Variants in TFAP2A observed in about 807,000 individuals in gnomAD.
TFAP2A encodes transcription factor AP-2-alpha.
In TFAP2A, 7 loss-of-function variants were observed where a neutral mutation model predicts 41.5. That is an observed-to-expected ratio of 0.17 (90% CI 0.10 to 0.32). The LOEUF is 0.32. Among genes scored for constraint, TFAP2A ranks in the 10% least tolerant of loss-of-function variants. The probability of loss-of-function intolerance (pLI) is 1.00; values close to 1 mark genes in which losing one functional copy is unlikely to be tolerated. For missense variants in TFAP2A, 416 were observed against 563.3 expected, an observed-to-expected ratio of 0.74 and a Z score of 2.65; for synonymous variants, 247 against 242.8, an observed-to-expected ratio of 1.02 and a Z score of -0.16.
At chr6:10,416,105 G>A (rs936485535), upstream of TFAP2A, 1 of 152,356 alleles carries the variant, frequency 6.6e-6, no homozygotes, top group East Asian at 1.9e-4. Flanking sequence ...AAAAACAGAC[G>A]TGTGTGTGCC....
chr6:10,399,313 A>T (rs1761915164), intron 6 of TFAP2A, among the ~76,000 whole-genome samples: 1 of 152,278 alleles, frequency 6.6e-6, no homozygotes, highest in Non-Finnish European at 1.5e-5. Context: ...AAGCCCTGTT[A>T]CTTGGAGATA....
chr6:10,404,018 T>C (rs1757549465), intron 4 of TFAP2A, among the ~76,000 whole-genome samples: 1 of 152,118 alleles, frequency 6.6e-6, no homozygotes, highest in African/African-American at 2.4e-5. Flanking sequence ...TTAAAAGCCA[T>C]TCTATTAAAA....
In TFAP2A at chr6:10,398,758, A is replaced by G. The variant is rs1581256138; in HGVS notation, c.1032-53T>C. 20 of 1,594,050 alleles carry G rather than the reference A, an allele frequency of 1.3e-5. No individual in the cohort carries two copies. In the East Asian group the frequency reaches 4.5e-4, roughly 36 times the overall value. On this transcript the variant is annotated intron_variant, in intron 6 of 6. Coordinates refer to ENST00000379613, the MANE Select transcript of TFAP2A (RefSeq NM_001372066.1). This position sits in a 1 kb window ranked among gnomAD's most constrained non-coding sequence, Gnocchi z 5.3. ...GACATAAGGCTCCACTATGGGCAGC[A>G]CTAGCAGCAAAGAGAAAACCTCCCT...
At chr6:10,419,172 G>A (rs1211249891), upstream of TFAP2A, among the ~76,000 whole-genome samples, 1 of 152,164 alleles carries the variant, frequency 6.6e-6, no homozygotes, top group African/African-American at 2.4e-5. Flanking sequence ...TGGAGCGTGC[G>A]CCGGACTTCC....
Position 10,398,793 on chromosome 6 carries a change from T to G in TFAP2A, c.1032-88A>C. The G allele has an allele frequency of 1.4e-6, 2 of 1,474,224 alleles. No homozygotes were observed. Among genetic ancestry groups the G allele is most frequent in the Non-Finnish European group, 1.8e-6 (2 of 1,081,922 alleles). The allele number at this position is 1,474,224 out of a possible 1,614,324, so 91.3% of individuals were successfully genotyped here. On this transcript the variant is annotated intron_variant, in intron 6 of 6. Transcript: ENST00000379613. The surrounding 1 kb of genome is among the most constrained non-coding windows in gnomAD (Gnocchi z 5.3). The stretch of plus-strand genomic sequence containing the variant: ...AAGAGAAAACCTCCCTCCCTGCAGC[T>G]ACCTCTGCCGGGATCCAGCCGGTAC...
At position 10,398,329 on chromosome 6, in the gene TFAP2A, G is replaced by C. The variant is rs10456013; in HGVS notation, c.*88C>G. 6.8e-6 allele frequency: 11 copies of C among 1,606,390 alleles called. No homozygotes were observed. In the Admixed American group the frequency reaches 1.0e-4, roughly 15 times the overall value. On this transcript the variant is annotated 3_prime_UTR_variant, in exon 7 of 7. Coordinates refer to ENST00000379613, the MANE Select transcript of TFAP2A (RefSeq NM_001372066.1). The surrounding 1 kb of genome is among the most constrained non-coding windows in gnomAD (Gnocchi z 5.3). ...CAGCAGCAGTAGCAGCAGCAGGAAG[G>C]GTTGCTGATCCCGGAGCTGTCACCC...
chr6:10,414,817 G>A (rs73414706), intron 1 of TFAP2A, 124 bp downstream of exon 1: 27 of 1,307,686 alleles, frequency 2.1e-5, no homozygotes, highest in Non-Finnish European at 2.8e-5. Context: ...AGGGACGGGC[G>A]CTGCGCTGGG....
intron 2 of TFAP2A, chr6:10,407,469 T>G (rs192804226): frequency 6.6e-6 from 1 of 152,564 alleles, no homozygotes; most frequent in African/African-American, 2.4e-5. Flanking sequence ...GCAGGTTTGT[T>G]GTTAGTGTGG....
intron 1 of TFAP2A, 73 bp downstream of exon 1, chr6:10,414,868 A>G (rs568678263): frequency 2.0e-4 from 324 of 1,596,342 alleles, no homozygotes; most frequent in Non-Finnish European, 2.7e-4. Context: ...GGTTGCAAGG[A>G]GAGGAGGAGG....
At chr6:10,412,160 G>T (rs986749621) in intron 1 of TFAP2A, 55 of 989,274 alleles carry the variant, frequency 5.6e-5, no homozygotes, top group Non-Finnish European at 6.6e-5. Context: ...TCTCAGTGTA[G>T]CAAATCGGAG....
At chr6:10,416,878 ACCCAGGAAGCCCTC>A (rs1758265306), upstream of TFAP2A, 1 of 152,356 alleles carries the variant, frequency 6.6e-6, no homozygotes. Flanking sequence ...GGCCTTACAG[ACCCAGGAAGCCCTC>A]CCCATGCTCT....
intron 2 of TFAP2A, chr6:10,409,424 T>TC (rs1757852441): frequency 5.4e-6 from 1 of 183,888 alleles, no homozygotes; most frequent in African/African-American, 2.4e-5. Flanking sequence ...TAGGTTTCAC[T>TC]TGTGCTTATA....
Position 10,398,039 on chromosome 6 carries a change from A to G in TFAP2A, c.*378T>C. On this transcript the variant is annotated 3_prime_UTR_variant, in exon 7 of 7. Transcript: ENST00000379613. This position sits in a 1 kb window ranked among gnomAD's most constrained non-coding sequence, Gnocchi z 5.3. ...ACTTTTTTTTTAGAAAAAAGTTTTT[A>G]ATTTTTGTTGTTGTTGTTGCTGTTG... The G allele has an allele frequency of 9.4e-7, 1 of 1,069,256 alleles. No individual in the cohort carries two copies. Among genetic ancestry groups the G allele is most frequent in the Non-Finnish European group, 1.1e-6 (1 of 884,210 alleles). The allele number at this position is 1,069,256 out of a possible 1,614,324, so 66.2% of individuals were successfully genotyped here.
At chr6:10,406,724 T>G in intron 3 of TFAP2A, 69 bp downstream of exon 3, 1 of 1,343,444 alleles carries the variant, frequency 7.4e-7, no homozygotes, top group Non-Finnish European at 1.1e-6. Flanking sequence ...TAAACACATC[T>G]CTGCAAGTTC....
intron 1 of TFAP2A, among the ~76,000 whole-genome samples, 180 bp from the exon 2 acceptor site, chr6:10,410,515 C>A (rs867429881): frequency 6.6e-6 from 1 of 152,032 alleles, no homozygotes; most frequent in African/African-American, 2.4e-5. Context: ...ACAGACCGAA[C>A]AACGCAGAGA....
At chr6:10,411,846 G>A in intron 1 of TFAP2A, 1 of 1,391,946 alleles carries the variant, frequency 7.2e-7, no homozygotes, top group Non-Finnish European at 9.4e-7. Flanking sequence ...GCCGCGACTG[G>A]TTATGATTCA....
chr6:10,406,876 G>A, intron 2 of TFAP2A, 32 bp from the exon 3 acceptor site: 1 of 1,566,426 alleles, frequency 6.4e-7, no homozygotes, highest in South Asian at 1.1e-5. Context: ...GGATGTAAGT[G>A]TATCATCAAA....
intron 4 of TFAP2A, 58 bp from the exon 5 acceptor site, chr6:10,402,668 A>C (rs913842683): frequency 2.8e-5 from 36 of 1,269,732 alleles, no homozygotes; most frequent in Admixed American, 2.7e-4. Flanking sequence ...GCTCTGCACC[A>C]CATTAAAATC....
chr6:10,409,319 A>C (rs2113200034), intron 2 of TFAP2A: 1 of 153,382 alleles, frequency 6.5e-6, no homozygotes, highest in South Asian at 2.1e-4. Context: ...ACCACTTAGC[A>C]CCCCTAGTAA....
Sources: allele counts gnomAD v4.1 joint callset (sites outside exome capture counted in the v4.1 genomes callset), GRCh38; gene constraint gnomAD v4.1.1; non-coding constraint Gnocchi (gnomAD v3.1); transcripts MANE v1.5; gene names NCBI Gene and HGNC (gene_info 2026-07-23, HGNC 2026-07-21).